The following ITFG1 variants were observed in gnomAD, a reference collection of about 807,000 sequenced individuals.
ITFG1 encodes the protein T-cell immunomodulatory protein.
Under a neutral mutation model 81.8 loss-of-function variants are expected in ITFG1, and 34 were observed. The observed-to-expected ratio is 0.42, with a 90% CI of 0.32 to 0.55. ITFG1 has a LOEUF of 0.55. Among genes scored for constraint, ITFG1 ranks in the 20% least tolerant of loss-of-function variants. The pLI, the probability that ITFG1 is intolerant of heterozygous loss-of-function variation, is 0.17. For missense variants in ITFG1, 672 were observed against 755.4 expected (o/e 0.89, Z 1.29); for synonymous variants, 285 against 270.6 (o/e 1.05, Z -0.52).
At chr16:47,205,849 T>TATCTATCTATC (rs1410401573) in intron 14 of ITFG1, among the ~76,000 whole-genome samples, 94 of 126,340 alleles carry the variant, frequency 7.4e-4, no homozygotes, top group Admixed American at 4.1e-3. Flanking sequence ...TCTATCTATC[T>TATCTATCTATC]ATCTATCTAT....
chr16:47,270,950 T>C (rs1966332565), intron 10 of ITFG1, among the ~76,000 whole-genome samples: 1 of 152,220 alleles, frequency 6.6e-6, no homozygotes, highest in South Asian at 2.1e-4. Context: ...TTGTGAGTGA[T>C]GGATATGTTC....
At chr16:47,272,231 G>C (rs1966350503) in intron 10 of ITFG1, among the ~76,000 whole-genome samples, 1 of 152,178 alleles carries the variant, frequency 6.6e-6, no homozygotes, top group Admixed American at 6.5e-5. Context: ...GAAAGCTACA[G>C]AGACAGAAAG....
chr16:47,229,426 G>A (rs191049426), intron 13 of ITFG1, among the ~76,000 whole-genome samples: 2 of 152,188 alleles, frequency 1.3e-5, no homozygotes, highest in African/African-American at 2.4e-5. Context: ...AGTTGTGGGA[G>A]GGCCTGAGGA....
At chr16:47,454,823 C>T (rs1222636838) in intron 2 of ITFG1, among the ~76,000 whole-genome samples, 1 of 152,072 alleles carries the variant, frequency 6.6e-6, no homozygotes, top group African/African-American at 2.4e-5. Context: ...TAACGTCCTG[C>T]AGTCTTATTA....
chr16:47,200,277 T>C (rs1036806043), intron 14 of ITFG1, among the ~76,000 whole-genome samples: 7 of 152,226 alleles, frequency 4.6e-5, no homozygotes, highest in Non-Finnish European at 1.0e-4. Context: ...CTATACTTGA[T>C]AGTTTCACAA....
At chr16:47,218,321 C>T (rs1411590479) in intron 14 of ITFG1, 1 of 152,182 alleles carries the variant, frequency 6.6e-6, no homozygotes, top group Non-Finnish European at 1.5e-5. Context: ...AGTCAGCCAT[C>T]TGTTAAAAGC....
At chr16:47,354,063 T>C (rs967241602) in intron 8 of ITFG1, among the ~76,000 whole-genome samples, 2 of 152,146 alleles carry the variant, frequency 1.3e-5, no homozygotes, top group African/African-American at 4.8e-5. Flanking sequence ...CTAACGTTTG[T>C]GTGGAACCAC....
rs780196609 is a variant in ITFG1 at position 47,459,256 on chromosome 16, C to A, written c.209-81G>T. On this transcript the variant is annotated intron_variant, in intron 1 of 17. Coordinates refer to ENST00000320640, the MANE Select transcript of ITFG1 (RefSeq NM_030790.5). Reference sequence around the variant, plus strand: ...CAGTGGTTACAAGAAGGTTTCTGGGCACTGTTCTCAACAAGAAAACTTTTA... The same window carrying A: ...CAGTGGTTACAAGAAGGTTTCTGGGAACTGTTCTCAACAAGAAAACTTTTA... 4 of 922,032 alleles carry A rather than the reference C, an allele frequency of 4.3e-6. No individual in the cohort carries two copies. The African/African-American group carries it at 4.9e-5, about 11-fold the overall frequency. The allele number at this position is 922,032 out of a possible 1,614,324, so 57.1% of individuals were successfully genotyped here.
intron 10 of ITFG1, among the ~76,000 whole-genome samples, chr16:47,287,900 T>A (rs1966876366): frequency 6.6e-6 from 1 of 152,242 alleles, no homozygotes; most frequent in Non-Finnish European, 1.5e-5. Flanking sequence ...TTAGAAAGCA[T>A]GGCAAGAATA....
intron 6 of ITFG1, among the ~76,000 whole-genome samples, chr16:47,379,516 C>T (rs953875106): frequency 1.3e-5 from 2 of 151,954 alleles, no homozygotes; most frequent in African/African-American, 4.8e-5. Context: ...GGTGAAACTC[C>T]GTCTCTACTA....
At chr16:47,261,514 C>A (rs989490482) in intron 10 of ITFG1, among the ~76,000 whole-genome samples, 1 of 152,096 alleles carries the variant, frequency 6.6e-6, no homozygotes, top group African/African-American at 2.4e-5. Context: ...AAAATATTTT[C>A]TTTAGATACA....
chr16:47,421,266 A>G (rs1596972461), intron 6 of ITFG1, among the ~76,000 whole-genome samples: 1 of 143,168 alleles, frequency 7.0e-6, no homozygotes, highest in Non-Finnish European at 1.5e-5. Context: ...ATATACATAC[A>G]TATGCACACA....
chr16:47,374,517 C>T (rs1197252464), intron 7 of ITFG1, among the ~76,000 whole-genome samples: 2 of 152,058 alleles, frequency 1.3e-5, no homozygotes, highest in South Asian at 2.1e-4. Flanking sequence ...CTTCCCCCGA[C>T]CCTCAGATAC....
At chr16:47,214,785 G>A (rs1965605024) in intron 14 of ITFG1, among the ~76,000 whole-genome samples, 1 of 152,060 alleles carries the variant, frequency 6.6e-6, no homozygotes, top group Non-Finnish European at 1.5e-5. Flanking sequence ...GTAAGCAATA[G>A]GATAATTGGG....
chr16:47,382,203 G>A (rs116731618), intron 6 of ITFG1, among the ~76,000 whole-genome samples: 3,236 of 152,262 alleles, frequency 0.021, 111 homozygotes, highest in African/African-American at 0.074. Context: ...ATGAGTATTG[G>A]TTTGAAACCT....
At chr16:47,404,618 A>G (rs1458059744) in intron 6 of ITFG1, among the ~76,000 whole-genome samples, 1 of 152,144 alleles carries the variant, frequency 6.6e-6, no homozygotes, top group Non-Finnish European at 1.5e-5. Flanking sequence ...TCTATAGTTT[A>G]TGACACATAC....
At chr16:47,430,153 G>T (rs1048316639) in intron 5 of ITFG1, among the ~76,000 whole-genome samples, 1 of 151,306 alleles carries the variant, frequency 6.6e-6, no homozygotes, top group East Asian at 1.9e-4. Flanking sequence ...CGCCTCCAGG[G>T]TTCAAGCGAT....
At chr16:47,452,232 C>T (rs768970783) in intron 4 of ITFG1, among the ~76,000 whole-genome samples, 2 of 152,094 alleles carry the variant, frequency 1.3e-5, no homozygotes, top group Non-Finnish European at 2.9e-5. Flanking sequence ...GGAATGATCT[C>T]GACCTCTACC....
At chr16:47,220,368 G>A (rs990830779) in intron 13 of ITFG1, among the ~76,000 whole-genome samples, 1 of 152,204 alleles carries the variant, frequency 6.6e-6, no homozygotes. Flanking sequence ...AAAGACGTGG[G>A]TAATTAGCAG....
Sources: gnomAD v4.1 joint callset for allele counts (sites outside exome capture counted in the v4.1 genomes callset) on GRCh38, gnomAD v4.1.1 for gene constraint, MANE v1.5 for transcripts, NCBI Gene and HGNC (gene_info 2026-07-23, HGNC 2026-07-21) for gene names.